LRRC2: variants seen among roughly 807,000 people sequenced by gnomAD.
The protein encoded by LRRC2 is leucine-rich repeat-containing protein 2.
A neutral mutation model predicts 40.2 loss-of-function variants in LRRC2; 27 were observed. The ratio of observed to expected loss-of-function variants is 0.67; its 90% CI spans 0.49 to 0.93. LRRC2 has a LOEUF of 0.93. LRRC2 is among the 40% of genes least tolerant of loss of function. The pLI, the probability that LRRC2 is intolerant of heterozygous loss-of-function variation, is 0.00. For missense variants in LRRC2, 402 were observed against 439.6 expected (o/e 0.91, Z 0.76); for synonymous variants, 147 against 158.9 (o/e 0.92, Z 0.56).
intron 1 of LRRC2, chr3:46,559,832 C>A (rs1236348904): frequency 6.6e-6 from 1 of 152,174 alleles, no homozygotes; most frequent in Non-Finnish European, 1.5e-5. Context: ...TGTCATCTAA[C>A]CATGTTCACC....
chr3:46,552,381 TA>T lies in LRRC2; in HGVS notation c.-19-772del, dbSNP rs59750352. ...ATAACTTCTTAGTTGTATTTAAATC[TA>T]AAAAAAAAAAAAAGCTCACATAGGC... On this transcript the variant is annotated intron_variant, in intron 1 of 8. Coordinates refer to ENST00000395905, the MANE Select transcript of LRRC2 (RefSeq NM_024512.5). Among the ~76,000 whole-genome samples the T allele has an allele frequency of 3.5e-3, 506 of 144,750 alleles. 2 individuals are homozygous for T. The highest frequency in any genetic ancestry group is 6.7e-3 in the African/African-American group (266 of 39,486). 95.0% of individuals were successfully genotyped at this position (144,750 alleles called of 152,430 possible). A position where few individuals can be genotyped will look rare whatever the true frequency, so the allele number is the denominator to read the frequency against.
intron 8 of LRRC2, 135 bp downstream of exon 8, chr3:46,521,387 T>C (rs1703960966): frequency 4.7e-6 from 3 of 638,464 alleles, no homozygotes; most frequent in Non-Finnish European, 7.9e-6. Flanking sequence ...GGAGGGTAAA[T>C]GGAAAAATAA....
At chr3:46,552,020 G>T (rs888982791) in intron 1 of LRRC2, among the ~76,000 whole-genome samples, 1 of 151,942 alleles carries the variant, frequency 6.6e-6, no homozygotes, top group African/African-American at 2.4e-5. Context: ...AGGCTGGGAG[G>T]ATGACAGTTT....
chr3:46,521,760 C>A, intron 7 of LRRC2, 102 bp from the exon 8 acceptor site: 1 of 1,181,850 alleles, frequency 8.5e-7, no homozygotes, highest in Non-Finnish European at 1.2e-6. Context: ...TTCTGGCTTA[C>A]CTTTAAAAGT....
intron 4 of LRRC2, among the ~76,000 whole-genome samples, chr3:46,537,657 T>A (rs943056743): frequency 6.6e-6 from 1 of 152,218 alleles, no homozygotes; most frequent in Non-Finnish European, 1.5e-5. Context: ...TACTTTTCAG[T>A]CATAGAAATT....
chr3:46,547,712 G>A (rs868648145), intron 2 of LRRC2, among the ~76,000 whole-genome samples: 1 of 133,914 alleles, frequency 7.5e-6, no homozygotes. Flanking sequence ...GTGTATGTGT[G>A]TGTGTGTGTG....
chr3:46,555,558 T>A (rs1292153780), intron 1 of LRRC2, among the ~76,000 whole-genome samples: 3 of 152,180 alleles, frequency 2.0e-5, no homozygotes, highest in African/African-American at 7.2e-5. Flanking sequence ...CTAAGAATTA[T>A]TATACATACT....
chr3:46,533,803 C>CTTTCTTTCTTTCTT (rs1553612509), intron 4 of LRRC2, among the ~76,000 whole-genome samples: 1 of 122,034 alleles, frequency 8.2e-6, no homozygotes, highest in Non-Finnish European at 1.8e-5. Flanking sequence ...TTCTTTGTTT[C>CTTTCTTTCTTTCTT]TTTCTTTCTT....
chr3:46,544,281 G>C (rs1704475679), intron 3 of LRRC2, among the ~76,000 whole-genome samples: 1 of 152,182 alleles, frequency 6.6e-6, no homozygotes, highest in African/African-American at 2.4e-5. Context: ...CACTTTGGGA[G>C]GCAAAGGCGG....
In LRRC2 at chr3:46,516,359, A is replaced by G. The variant is rs1703863184; in HGVS notation, c.*2655T>C. 6.6e-6 allele frequency: 1 copy of G among 152,098 alleles called. No homozygotes were observed. The highest frequency in any genetic ancestry group is 6.6e-5 in the Admixed American group (1 of 15,254). 9.4% of individuals were successfully genotyped at this position (152,098 alleles called of 1,614,324 possible). On this transcript the variant is annotated 3_prime_UTR_variant, in exon 9 of 9. Coordinates refer to ENST00000395905, the MANE Select transcript of LRRC2 (RefSeq NM_024512.5). ...TTTTAGAATGCTCTGCCTGTTTTAC[A>G]CCTGTTGAGAATAAAATGTTTGGAC...
chr3:46,552,994 G>A (rs1704697434), intron 1 of LRRC2, among the ~76,000 whole-genome samples: 1 of 152,176 alleles, frequency 6.6e-6, no homozygotes, highest in Non-Finnish European at 1.5e-5. Context: ...CTATATCCCT[G>A]GCACCTAGTA....
intron 7 of LRRC2, among the ~76,000 whole-genome samples, chr3:46,523,397 T>C (rs1703999002): frequency 1.3e-5 from 2 of 152,336 alleles, no homozygotes; most frequent in Middle Eastern, 6.8e-3. Context: ...CTATTTAAAA[T>C]ACCTTTTACC....
At chr3:46,525,599 TA>T (rs1704046195) in intron 7 of LRRC2, among the ~76,000 whole-genome samples, 1 of 152,170 alleles carries the variant, frequency 6.6e-6, no homozygotes, top group Admixed American at 6.5e-5. Context: ...TCTTGTTTTC[TA>T]AAATTATTAT....
At position 46,535,016 on chromosome 3, in the gene LRRC2, A is replaced by G. The variant is rs146223302; in HGVS notation, c.491-2107T>C. ...GGAGAGAAACATGCCCTGAACTAAT[A>G]TATTTTCATTTCTTTTCATTTTGCC... On this transcript the variant is annotated intron_variant, in intron 4 of 8. Transcript: ENST00000395905. 6.5e-3 allele frequency among the ~76,000 whole-genome samples: 984 copies of G among 152,290 alleles called. 13 individuals are homozygous for G. Among genetic ancestry groups the G allele is most frequent in the African/African-American group, 0.022 (916 of 41,540 alleles).
chr3:46,552,157 A>C (rs1171030764), intron 1 of LRRC2, among the ~76,000 whole-genome samples: 1 of 152,118 alleles, frequency 6.6e-6, no homozygotes, highest in Non-Finnish European at 1.5e-5. Flanking sequence ...TGGGCTCCCA[A>C]AGCCCCCTGG....
chr3:46,536,210 A>G (rs1021275929), intron 4 of LRRC2, among the ~76,000 whole-genome samples: 1 of 152,240 alleles, frequency 6.6e-6, no homozygotes, highest in Non-Finnish European at 1.5e-5. Flanking sequence ...CAGGAAACTT[A>G]GCGCTTACTG....
chr3:46,565,443 A>G (rs557368045), intron 1 of LRRC2, among the ~76,000 whole-genome samples: 5 of 152,378 alleles, frequency 3.3e-5, no homozygotes, highest in Admixed American at 1.3e-4. Flanking sequence ...TTAAAGAAAA[A>G]AGAAAGGAAA....
intron 4 of LRRC2, among the ~76,000 whole-genome samples, chr3:46,534,824 TAA>T (rs1247786450): frequency 6.6e-6 from 1 of 152,148 alleles, no homozygotes; most frequent in African/African-American, 2.4e-5. Flanking sequence ...GACAATATGA[TAA>T]GAGATCAAAC....
At chr3:46,558,483 G>C (rs548447883) in intron 1 of LRRC2, 1 of 152,268 alleles carries the variant, frequency 6.6e-6, no homozygotes, top group African/African-American at 2.4e-5. Flanking sequence ...GCACCACCCA[G>C]TGGCCCGTCT....
Sources: allele counts gnomAD v4.1 joint callset (sites outside exome capture counted in the v4.1 genomes callset), GRCh38; gene constraint gnomAD v4.1.1; transcripts MANE v1.5; gene names NCBI Gene and HGNC (gene_info 2026-07-23, HGNC 2026-07-21).